The following LSAMP variants were observed in gnomAD, a reference collection of about 807,000 sequenced individuals.
The protein encoded by LSAMP is limbic system associated membrane protein.
A neutral mutation model predicts 38.6 loss-of-function variants in LSAMP; 7 were observed. The ratio of observed to expected loss-of-function variants is 0.18; its 90% CI spans 0.10 to 0.34. LSAMP has a LOEUF of 0.34. Ranked by LOEUF, LSAMP falls within the 10% of genes least tolerant of loss-of-function variation. The pLI is 1.00. For synonymous variants in LSAMP, 154 were observed against 166.8 expected, an observed-to-expected ratio of 0.92 and a Z score of 0.59; for missense variants, 313 against 420.0, an observed-to-expected ratio of 0.75 and a Z score of 2.23.
chr3:115,978,752 G>A (rs1442527303), intron 3 of LSAMP, among the ~76,000 whole-genome samples: 1 of 152,026 alleles, frequency 6.6e-6, no homozygotes, highest in Admixed American at 6.6e-5. Flanking sequence ...AATAGGGCAG[G>A]CTATCAACTT....
chr3:115,834,529 G>A (rs902100562), intron 6 of LSAMP: 11 of 1,277,532 alleles, frequency 8.6e-6, no homozygotes, highest in Non-Finnish European at 1.1e-5. Context: ...AATGACCCAG[G>A]AAGAGAGCTA....
Position 115,893,006 on chromosome 3 carries a change from C to T in LSAMP, c.515-40389G>A, listed in dbSNP as rs556479123. ...AGGAAATACTTAAATTTCTTATCAA[C>T]TTTATACAAAACATAAAAATCTCAG... is the stretch of plus-strand genomic sequence containing the variant. On this transcript the variant is annotated intron_variant, in intron 3 of 6. Transcript: ENST00000490035. 3.2e-3 allele frequency among the ~76,000 whole-genome samples: 481 copies of T among 151,812 alleles called. 5 individuals carry two copies. The highest frequency in any genetic ancestry group is 3.1e-3 in the Non-Finnish European group (207 of 67,856).
chr3:116,138,502 G>A (rs1709300041), intron 1 of LSAMP, among the ~76,000 whole-genome samples: 1 of 151,914 alleles, frequency 6.6e-6, no homozygotes, highest in Admixed American at 6.6e-5. Context: ...TATTCTAAAA[G>A]ATACAACTTT....
chr3:116,086,896 G>A (rs1376870936), intron 1 of LSAMP, among the ~76,000 whole-genome samples: 1 of 152,082 alleles, frequency 6.6e-6, no homozygotes. Context: ...GTAATTTTGA[G>A]AATTATACAA....
At chr3:116,076,954 TATAG>T (rs937159748) in intron 2 of LSAMP, among the ~76,000 whole-genome samples, 3 of 152,058 alleles carry the variant, frequency 2.0e-5, no homozygotes, top group African/African-American at 7.2e-5. Context: ...TATAACTATA[TATAG>T]AAACTATTGA....
chr3:115,950,864 A>T (rs1412022799), intron 3 of LSAMP, among the ~76,000 whole-genome samples: 2 of 151,864 alleles, frequency 1.3e-5, no homozygotes, highest in Non-Finnish European at 2.9e-5. Context: ...AAACTATACT[A>T]CAAGGCTATA....
chr3:116,325,819 A>ACAG (rs1346921274), intron 1 of LSAMP, among the ~76,000 whole-genome samples: 1 of 152,184 alleles, frequency 6.6e-6, no homozygotes, highest in African/African-American at 2.4e-5. Context: ...ATTGACCACT[A>ACAG]CAGCAGAACA....
At chr3:116,322,565 C>T (rs1182138107) in intron 1 of LSAMP, among the ~76,000 whole-genome samples, 1 of 152,098 alleles carries the variant, frequency 6.6e-6, no homozygotes, top group Non-Finnish European at 1.5e-5. Context: ...TATGTGGAAG[C>T]ATTTTGTTTA....
At chr3:115,810,720 A>C (rs1381607826) in intron 6 of LSAMP, among the ~76,000 whole-genome samples, 1 of 152,178 alleles carries the variant, frequency 6.6e-6, no homozygotes, top group Non-Finnish European at 1.5e-5. Context: ...CTGTTCACCC[A>C]GCCTCCTCCT....
intron 1 of LSAMP, among the ~76,000 whole-genome samples, chr3:116,417,922 T>C (rs2049073251): frequency 6.6e-6 from 1 of 152,118 alleles, no homozygotes; most frequent in Non-Finnish European, 1.5e-5. Context: ...CCTGCACCCT[T>C]TTACACTGCA....
chr3:116,366,092 G>C (rs979749933), intron 1 of LSAMP, among the ~76,000 whole-genome samples: 13 of 116,924 alleles, frequency 1.1e-4, no homozygotes, highest in Non-Finnish European at 2.1e-4. Context: ...ATAACCTACA[G>C]AATGAGAGAA....
chr3:116,105,359 T>C (rs1373876702), intron 1 of LSAMP, among the ~76,000 whole-genome samples: 1 of 152,210 alleles, frequency 6.6e-6, no homozygotes, highest in African/African-American at 2.4e-5. Flanking sequence ...ATGGTCACTT[T>C]CATGCGCGTC....
At chr3:116,016,681 C>A (rs147664962) in intron 3 of LSAMP, among the ~76,000 whole-genome samples, 1 of 152,118 alleles carries the variant, frequency 6.6e-6, no homozygotes, top group Non-Finnish European at 1.5e-5. Flanking sequence ...AGAACAAAAG[C>A]AACCATAGAG....
chr3:116,262,618 C>T (rs142691261), intron 1 of LSAMP, among the ~76,000 whole-genome samples: 6 of 152,014 alleles, frequency 3.9e-5, no homozygotes, highest in African/African-American at 7.3e-5. Flanking sequence ...TATGGGTGTA[C>T]GTGAAACAGA....
At chr3:116,109,183 C>A (rs188238053) in intron 1 of LSAMP, among the ~76,000 whole-genome samples, 9 of 152,276 alleles carry the variant, frequency 5.9e-5, no homozygotes, top group African/African-American at 1.9e-4. Context: ...GGAGCATTAA[C>A]CTTGACTATG....
chr3:115,986,021 C>G (rs1309656628), intron 3 of LSAMP, among the ~76,000 whole-genome samples: 1 of 151,908 alleles, frequency 6.6e-6, no homozygotes, highest in Non-Finnish European at 1.5e-5. Context: ...AAGAGATGAT[C>G]AAAGGAGAGA....
chr3:116,432,011 T>C (rs2049287370), intron 1 of LSAMP, among the ~76,000 whole-genome samples: 1 of 152,026 alleles, frequency 6.6e-6, no homozygotes, highest in Non-Finnish European at 1.5e-5. Flanking sequence ...CAAGATCTAA[T>C]AGAAACAAAA....
At chr3:116,269,032 C>G (rs1374500647) in intron 1 of LSAMP, among the ~76,000 whole-genome samples, 5 of 151,930 alleles carry the variant, frequency 3.3e-5, no homozygotes, top group Non-Finnish European at 5.9e-5. Flanking sequence ...GTTGGGTGGT[C>G]CTGACAACTC....
At chr3:116,213,359 T>C (rs1249124678) in intron 1 of LSAMP, among the ~76,000 whole-genome samples, 1 of 151,926 alleles carries the variant, frequency 6.6e-6, no homozygotes. Flanking sequence ...TAAAGAGGAG[T>C]TCCCCTGCAC....
Sources: allele counts gnomAD v4.1 joint callset (sites outside exome capture counted in the v4.1 genomes callset), GRCh38; gene constraint gnomAD v4.1.1; transcripts MANE v1.5; gene names NCBI Gene and HGNC (gene_info 2026-07-23, HGNC 2026-07-21).